PLCE1: variants seen among roughly 807,000 people sequenced by gnomAD.
PLCE1 encodes the protein phospholipase C epsilon 1.
PLCE1 carries 119 observed loss-of-function variants against 242.8 expected under a neutral mutation model. The observed-to-expected ratio is 0.49, with a 90% CI of 0.42 to 0.57. PLCE1 has a LOEUF of 0.57. Ranked by LOEUF, PLCE1 falls within the 20% of genes least tolerant of loss-of-function variation. The probability of loss-of-function intolerance (pLI) is 0.00; values close to 1 mark genes in which losing one functional copy is unlikely to be tolerated. For missense variants in PLCE1, 2,441 were observed against 2,788.8 expected (o/e 0.88, Z 2.81); for synonymous variants, 945 against 1,017.4 (o/e 0.93, Z 1.35).
At position 94,268,875 on chromosome 10, in the gene PLCE1, G is replaced by A. The variant is rs115282941; in HGVS notation, c.4282-54G>A. On this transcript the variant is annotated intron_variant, in intron 16 of 32. Transcript: ENST00000371380. ...TAGAACTACATGCTGGGTTTAGTTCGAGGCTTTATCTCCAGGTGCTCACCT... is the reference window on the plus strand; with the variant it reads ...TAGAACTACATGCTGGGTTTAGTTCAAGGCTTTATCTCCAGGTGCTCACCT... 3,455 of 991,534 alleles carry A rather than the reference G, an allele frequency of 3.5e-3. 57 individuals carry two copies. The African/African-American group carries it at 0.043, about 12-fold the overall frequency. 61.4% of individuals were successfully genotyped at this position (991,534 alleles called of 1,614,324 possible). A position where few individuals can be genotyped will look rare whatever the true frequency, so the allele number is the denominator to read the frequency against.
intron 1 of PLCE1, among the ~76,000 whole-genome samples, chr10:94,005,524 A>T (rs1413883326): frequency 6.6e-6 from 1 of 152,212 alleles, no homozygotes; most frequent in East Asian, 1.9e-4. Flanking sequence ...ATCTTTACCA[A>T]GAAATGTCTG....
intron 2 of PLCE1, among the ~76,000 whole-genome samples, chr10:94,109,525 T>G (rs1044680371): frequency 6.6e-6 from 1 of 152,276 alleles, no homozygotes; most frequent in Non-Finnish European, 1.5e-5. Flanking sequence ...GGAGAATCGC[T>G]TGAACCTGGG....
chr10:94,149,556 C>T (rs2047212176), intron 3 of PLCE1, among the ~76,000 whole-genome samples: 1 of 152,208 alleles, frequency 6.6e-6, no homozygotes, highest in African/African-American at 2.4e-5. Context: ...CAAGCCTCAC[C>T]TGAGACTTTG....
chr10:94,230,134 TCTAA>T (rs1392237559), intron 5 of PLCE1, among the ~76,000 whole-genome samples: 2 of 152,226 alleles, frequency 1.3e-5, no homozygotes, highest in African/African-American at 2.4e-5. Context: ...TTTTGCTTCC[TCTAA>T]CTAAATTCTT....
intron 2 of PLCE1, among the ~76,000 whole-genome samples, chr10:94,079,495 T>C (rs2044596492): frequency 6.6e-6 from 1 of 152,164 alleles, no homozygotes; most frequent in African/African-American, 2.4e-5. Context: ...AAATACCTAA[T>C]GTAGATGACG....
At chr10:94,137,609 A>C (rs1184288785) in intron 3 of PLCE1, 2 of 152,680 alleles carry the variant, frequency 1.3e-5, no homozygotes, top group Non-Finnish European at 2.9e-5. Flanking sequence ...AAAGCACATA[A>C]ATTAAAGGAT....
chr10:94,014,410 C>A (rs1045732506), intron 1 of PLCE1, among the ~76,000 whole-genome samples: 2 of 149,390 alleles, frequency 1.3e-5, no homozygotes, highest in African/African-American at 5.0e-5. Context: ...TTAAGACCAA[C>A]CTGAGCAACA....
chr10:94,150,950 G>A lies in PLCE1; in HGVS notation c.1492+18491G>A, dbSNP rs541410981. Among the ~76,000 whole-genome samples the A allele has an allele frequency of 5.9e-5, 9 of 152,282 alleles. No individual in the cohort carries two copies. In the South Asian group the frequency reaches 1.9e-3, roughly 32 times the overall value. On this transcript the variant is annotated intron_variant, in intron 3 of 32. Coordinates refer to ENST00000371380, the MANE Select transcript of PLCE1 (RefSeq NM_016341.4). ...GGGGGTTCACAGATACCAGGTTCTG[G>A]CAGTCTGAGCTGTCCATGGTCAGCT...
rs754282711 is a variant in PLCE1 at position 94,304,504 on chromosome 10, T to C, written c.5481T>C (p.Ala1827=). Residue 1827 remains alanine, a synonymous_variant, in exon 25 of 33, where the codon GCT becomes GCC. Coordinates refer to ENST00000371380, the MANE Select transcript of PLCE1 (RefSeq NM_016341.4). ...CAGATCTCCCTTTACATTTAAATGC[T>C]GCAATGTTTGAGGCAAATGGTGGTT... ...QTDDLPLHLN[A]AMFEANGGCG... The C allele has an allele frequency of 3.1e-6, 5 of 1,614,028 alleles. No individual in the cohort carries two copies. Among genetic ancestry groups the C allele is most frequent in the Admixed American group, 3.3e-5 (2 of 60,006 alleles).
rs867894803 is a variant in PLCE1, at chr10:94,074,173, C to T, written c.1206+41921C>T. On this transcript the variant is annotated intron_variant, in intron 2 of 32. Coordinates refer to ENST00000371380, the MANE Select transcript of PLCE1 (RefSeq NM_016341.4). ...GCCTAAAATTTTTTTCATAATGTATCATACCAAGCAGTTCTTTTTTTTTTT... is the reference window on the plus strand; with the variant it reads ...GCCTAAAATTTTTTTCATAATGTATTATACCAAGCAGTTCTTTTTTTTTTT... Among the ~76,000 whole-genome samples, 8 of 149,668 alleles carry T rather than the reference C, an allele frequency of 5.3e-5. No homozygotes were observed. In the South Asian group the frequency reaches 1.3e-3, roughly 24 times the overall value.
chr10:94,155,992 A>T (rs1248562181), intron 3 of PLCE1, among the ~76,000 whole-genome samples: 1 of 152,146 alleles, frequency 6.6e-6, no homozygotes, highest in Non-Finnish European at 1.5e-5. Flanking sequence ...ATCTCAGTTT[A>T]AAAAAAGAAT....
intron 1 of PLCE1, among the ~76,000 whole-genome samples, chr10:94,001,668 T>A (rs986328417): frequency 3.3e-5 from 5 of 152,242 alleles, no homozygotes; most frequent in Non-Finnish European, 5.9e-5. Context: ...TAACATGGCT[T>A]AATTTGGATA....
At chr10:94,265,980 A>T in intron 16 of PLCE1, 22 bp downstream of exon 16, 1 of 1,612,758 alleles carries the variant, frequency 6.2e-7, no homozygotes, top group Non-Finnish European at 8.5e-7. Context: ...GCCACTTGGA[A>T]TGTGGTTTTT....
At chr10:94,060,871 A>G (rs1209977208) in intron 2 of PLCE1, among the ~76,000 whole-genome samples, 1 of 151,442 alleles carries the variant, frequency 6.6e-6, no homozygotes, top group Middle Eastern at 3.4e-3. Context: ...TAATTTTTGT[A>G]TTTTTTGTAG....
At chr10:94,259,506 G>A (rs1027861081) in intron 13 of PLCE1, among the ~76,000 whole-genome samples, 37 of 152,080 alleles carry the variant, frequency 2.4e-4, no homozygotes, top group African/African-American at 8.2e-4. Flanking sequence ...GAATGGTCTC[G>A]ATCTCCTGAC....
At chr10:94,318,623 C>T (rs1564892878) in intron 29 of PLCE1, among the ~76,000 whole-genome samples, 1 of 152,180 alleles carries the variant, frequency 6.6e-6, no homozygotes, top group Non-Finnish European at 1.5e-5. Context: ...CCTTGTGGAT[C>T]ACCCACACTC....
intron 22 of PLCE1, among the ~76,000 whole-genome samples, chr10:94,292,657 C>T (rs772995061): frequency 6.6e-6 from 1 of 152,188 alleles, no homozygotes; most frequent in Admixed American, 6.5e-5. Context: ...TGCTCTTAAA[C>T]ACTACTCTAT....
rs115226978 is a variant in PLCE1, at chr10:94,092,332, G to A, written c.1207-39842G>A. The stretch of plus-strand genomic sequence containing the variant: ...TCCAATAAAGTAAGAAGAAACAACC[G>A]ACGCTAAACACTTTCTTTGTGGCAG... On this transcript the variant is annotated intron_variant, in intron 2 of 32. Coordinates refer to ENST00000371380, the MANE Select transcript of PLCE1 (RefSeq NM_016341.4). Among the ~76,000 whole-genome samples the A allele has an allele frequency of 9.7e-3, 1,470 of 152,162 alleles. 20 individuals carry two copies. Among genetic ancestry groups the A allele is most frequent in the African/African-American group, 0.032 (1,344 of 41,518 alleles).
chr10:94,222,078 A>T (rs1325246892), intron 4 of PLCE1, among the ~76,000 whole-genome samples: 6 of 152,110 alleles, frequency 3.9e-5, no homozygotes, highest in Non-Finnish European at 1.5e-5. Context: ...GAGCAACTCC[A>T]TGCTGGAAAT....
Sources: allele counts gnomAD v4.1 joint callset (sites outside exome capture counted in the v4.1 genomes callset), GRCh38; gene constraint gnomAD v4.1.1; transcripts MANE v1.5; gene names NCBI Gene and HGNC (gene_info 2026-07-23, HGNC 2026-07-21).